Variants in HKDC1 observed in about 807,000 individuals in gnomAD.
The protein encoded by HKDC1 is hexokinase domain containing 1.
In HKDC1, 66 loss-of-function variants were observed where a neutral mutation model predicts 96.6. The observed-to-expected ratio is 0.68, with a 90% confidence interval of 0.56 to 0.84. The LOEUF (loss-of-function observed/expected upper bound fraction) is 0.84, where lower values mean the gene tolerates loss of function less well. Ranked by LOEUF, HKDC1 falls within the 40% of genes least tolerant of loss-of-function variation. The pLI is 0.00. For synonymous variants in HKDC1, 466 were observed against 473.1 expected (o/e 0.98, Z 0.20); for missense variants, 1,211 against 1,208.1 (o/e 1.00, Z -0.04).
At chr10:69,241,477 C>T (rs1017412830) in intron 6 of HKDC1, among the ~76,000 whole-genome samples, 3 of 151,964 alleles carry the variant, frequency 2.0e-5, no homozygotes, top group East Asian at 3.9e-4. Flanking sequence ...TAAATGGATG[C>T]GCATTTTATT....
chr10:69,233,687 AGGAG>A lies in HKDC1; in HGVS notation c.495+555_495+558del, dbSNP rs1843312244. Among the ~76,000 whole-genome samples, 3 of 151,792 alleles carry A rather than the reference AGGAG, an allele frequency of 2.0e-5. No homozygotes were observed. The South Asian group carries it at 6.2e-4, about 32-fold the overall frequency. On this transcript the variant is annotated intron_variant, in intron 4 of 17. Transcript: ENST00000354624. The stretch of plus-strand genomic sequence containing the variant: ...GCCGAGGCGGGCGGATCATGAGGTC[AGGAG>A]ATCGAGACCATCCTGGCTAACATGG...
At chr10:69,261,400 C>T (rs1843808533) in intron 16 of HKDC1, 106 bp downstream of exon 16, 13 of 1,082,218 alleles carry the variant, frequency 1.2e-5, no homozygotes, top group Non-Finnish European at 1.5e-5. Context: ...AAGGCCCTGG[C>T]TGGGTAAGGG....
intron 6 of HKDC1, among the ~76,000 whole-genome samples, chr10:69,241,852 G>C (rs1843460831): frequency 6.6e-6 from 1 of 152,276 alleles, no homozygotes; most frequent in African/African-American, 2.4e-5. Context: ...GACAAGAGTG[G>C]AAGCAGGGTG....
intron 12 of HKDC1, among the ~76,000 whole-genome samples, chr10:69,251,570 T>A (rs1843644565): frequency 1.3e-5 from 2 of 152,186 alleles, no homozygotes; most frequent in South Asian, 2.1e-4. Flanking sequence ...ATATATTAAT[T>A]TGGGGAGTTT....
intron 16 of HKDC1, 44 bp downstream of exon 16, chr10:69,261,338 G>A (rs1489607422): frequency 1.3e-6 from 2 of 1,590,406 alleles, no homozygotes; most frequent in South Asian, 1.1e-5. Flanking sequence ...ACTGGCATAT[G>A]CTGCCACCAC....
Position 69,267,131 on chromosome 10 carries a change from C to A in HKDC1, c.*374C>A, listed in dbSNP as rs886375962. Reference sequence around the variant, plus strand: ...CCATGTGGCTGGCAGGCTGTTTCCCCATTGGGATGCTTAAGCCATCTCTTA... The same window carrying A: ...CCATGTGGCTGGCAGGCTGTTTCCCAATTGGGATGCTTAAGCCATCTCTTA... On this transcript the variant is annotated 3_prime_UTR_variant, in exon 18 of 18. Transcript: ENST00000354624. 2 of 225,170 alleles carry A rather than the reference C, an allele frequency of 8.9e-6. No individual in the cohort carries two copies. The highest frequency in any genetic ancestry group is 5.2e-5 in the Admixed American group (1 of 19,138). The allele number at this position is 225,170 out of a possible 1,614,324, so 13.9% of individuals were successfully genotyped here.
intron 12 of HKDC1, among the ~76,000 whole-genome samples, chr10:69,254,313 A>G (rs1043154296): frequency 5.5e-5 from 8 of 144,768 alleles, no homozygotes; most frequent in Non-Finnish European, 1.3e-4. Flanking sequence ...CAAAAAGAGA[A>G]AAAAAAAATT....
chr10:69,231,742 A>C (rs79728940), intron 2 of HKDC1, among the ~76,000 whole-genome samples: 16,802 of 152,278 alleles, frequency 0.11, 1,109 homozygotes, highest in Middle Eastern at 0.18. Context: ...GTTACTCAGC[A>C]CAGAGTAGAT....
At chr10:69,241,558 A>G (rs1843457400) in intron 6 of HKDC1, among the ~76,000 whole-genome samples, 1 of 152,138 alleles carries the variant, frequency 6.6e-6, no homozygotes, top group Admixed American at 6.6e-5. Context: ...GTCTTGGCTT[A>G]CTGCAACCTC....
At chr10:69,265,561 G>T in intron 16 of HKDC1, 24 bp from the exon 17 acceptor site, 1 of 1,601,420 alleles carries the variant, frequency 6.2e-7, no homozygotes, top group South Asian at 1.1e-5. Context: ...AGCAGGTCCT[G>T]ACTCCCTGCT....
rs779802342 is a variant in HKDC1, at chr10:69,261,140, T to A, written c.2218T>A (p.Tyr740Asn). Residue 740 changes from tyrosine (Y) to asparagine (N), a missense_variant and splice_region_variant, in exon 16 of 18, where the codon TAC becomes AAC. Transcript: ENST00000354624. ...ACCTTATCCTTCTTCTCCAAACAGA[T>A]ACGAGAAAATGACCAGTGGGATGTA... ...EGSLNPGKQRYEKMTSGMYLG... is the reference protein window; with the variant it reads ...EGSLNPGKQRNEKMTSGMYLG... The A allele has an allele frequency of 1.9e-5, 31 of 1,612,452 alleles. No homozygotes were observed. The Admixed American group carries it at 3.2e-4, about 16-fold the overall frequency.
At chr10:69,243,418 A>C in intron 7 of HKDC1, 53 bp downstream of exon 7, 3 of 1,425,986 alleles carry the variant, frequency 2.1e-6, no homozygotes, top group Non-Finnish European at 2.8e-6. Flanking sequence ...GTGCCTAATC[A>C]CTCAGGTCCC....
chr10:69,231,353 A>G (rs931225416), intron 2 of HKDC1, among the ~76,000 whole-genome samples: 5 of 151,998 alleles, frequency 3.3e-5, no homozygotes, highest in Admixed American at 2.6e-4. Context: ...AGCTTTTCCA[A>G]ATCCTTCCAA....
chr10:69,220,553 C>T, intron 1 of HKDC1, 55 bp downstream of exon 1: 1 of 1,306,590 alleles, frequency 7.7e-7, no homozygotes, highest in Non-Finnish European at 1.1e-6. Flanking sequence ...ACGGACAAAA[C>T]TGATTCCCTT....
intron 8 of HKDC1, 41 bp from the exon 9 acceptor site, chr10:69,247,319 G>T: frequency 7.3e-7 from 1 of 1,362,772 alleles, no homozygotes; most frequent in Non-Finnish European, 1.1e-6. Context: ...ATACCAGTGG[G>T]ATGGAGAAGT....
chr10:69,250,299 A>T lies in HKDC1; in HGVS notation c.1580A>T (p.Lys527Met), dbSNP rs772185046. The T allele has an allele frequency of 6.2e-7, 1 of 1,613,056 alleles. No homozygotes were observed. The highest frequency in any genetic ancestry group is 2.2e-5 in the East Asian group (1 of 44,868). ...GCTTTCTCCATCACAGAGAAAGGAA[A>T]GTTTCTCGCCCTGGATCTTGGGGGA... ...CGLPDGTEKG[K>M]FLALDLGGTN... Residue 527 changes from lysine to methionine, a missense_variant, in exon 11 of 18, where the codon AAG (lysine) becomes ATG (methionine). Physicochemically the swap from Lys to Met is moderately conservative, Grantham distance 95 (BLOSUM62 -1). Transcript: ENST00000354624.
chr10:69,227,193 G>T lies in HKDC1; in HGVS notation c.64-14G>T, dbSNP rs1177414603. The T allele has an allele frequency of 1.9e-6, 3 of 1,613,450 alleles. No homozygotes were observed. Among genetic ancestry groups the T allele is most frequent in the Non-Finnish European group, 2.5e-6 (3 of 1,179,592 alleles). On this transcript the variant is annotated splice_polypyrimidine_tract_variant and intron_variant, in intron 1 of 17. Transcript: ENST00000354624. ...CCCCCAGCAGCACCCCTTGGTGGCC[G>T]GTGTCTGTTCCAGGTGGACAGGTTC...
Position 69,247,469 on chromosome 10 carries a change from C to T in HKDC1, c.1141C>T (p.Arg381Cys), listed in dbSNP as rs765726218. 2.6e-5 allele frequency: 42 copies of T among 1,614,044 alleles called. 1 individual carries two copies. In the South Asian group the frequency reaches 3.6e-4, roughly 14 times the overall value. ...GCATGTCTGTACCATCGTCTCCTTC[C>T]GCTCGGCCAATCTCTGTGCAGCAGC... ...VQHVCTIVSF[R>C]SANLCAAALA... is the part of the protein sequence containing the mutation. The change falls in exon 9 of 18, where the codon CGC becomes TGC. Residue 381 changes from arginine (R) to cysteine (C), a missense_variant. By Grantham distance (180) the Arg-to-Cys change is radical. Transcript: ENST00000354624.
intron 6 of HKDC1, 27 bp downstream of exon 6, chr10:69,240,778 G>A: frequency 2.6e-6 from 4 of 1,566,110 alleles, no homozygotes; most frequent in Non-Finnish European, 3.5e-6. Context: ...GGTTTTTTGA[G>A]GGTAGGGGAG....
Sources: gnomAD v4.1 joint callset for allele counts (sites outside exome capture counted in the v4.1 genomes callset) on GRCh38, gnomAD v4.1.1 for gene constraint, MANE v1.5 for transcripts, NCBI Gene and HGNC (gene_info 2026-07-23, HGNC 2026-07-21) for gene names.